The following SLC44A5 variants were observed in gnomAD, a reference collection of about 807,000 sequenced individuals.
SLC44A5 encodes choline transporter-like protein 5.
A neutral mutation model predicts 101.8 loss-of-function variants in SLC44A5; 57 were observed. That is an observed-to-expected ratio of 0.56 (90% CI 0.45 to 0.70). The LOEUF is 0.70. Ranked by LOEUF, SLC44A5 falls within the 30% of genes least tolerant of loss-of-function variation. The pLI, the probability that SLC44A5 is intolerant of heterozygous loss-of-function variation, is 0.00. For missense variants in SLC44A5, 737 were observed against 853.1 expected (o/e 0.86, Z 1.70); for synonymous variants, 281 against 290.9 (o/e 0.97, Z 0.35).
the SLC44A5 span, among the ~76,000 whole-genome samples, chr1:75,674,458 C>T: frequency 6.6e-6 from 1 of 152,224 alleles, no homozygotes; most frequent in East Asian, 1.9e-4. Flanking sequence ...CAGCTCACTG[C>T]AACCTATGCC....
At chr1:75,590,357 G>T (rs567958708) in intron 1 of SLC44A5, among the ~76,000 whole-genome samples, 1 of 152,172 alleles carries the variant, frequency 6.6e-6, no homozygotes, top group African/African-American at 2.4e-5. Context: ...ATCCAGTCTT[G>T]CCAGCATTCA....
At chr1:75,360,176 C>A (rs1659386599) in intron 3 of SLC44A5, among the ~76,000 whole-genome samples, 1 of 151,952 alleles carries the variant, frequency 6.6e-6, no homozygotes. Context: ...TTATTTGATG[C>A]AATCTCATTT....
At chr1:75,345,431 G>A (rs1658180724) in intron 3 of SLC44A5, among the ~76,000 whole-genome samples, 1 of 152,034 alleles carries the variant, frequency 6.6e-6, no homozygotes, top group Admixed American at 6.6e-5. Context: ...AAAAAAAGTT[G>A]GGAAACAATT....
intron 4 of SLC44A5, among the ~76,000 whole-genome samples, chr1:75,317,378 T>A (rs956022855): frequency 2.6e-5 from 4 of 152,246 alleles, no homozygotes; most frequent in Admixed American, 2.0e-4. Context: ...AGACATAGTG[T>A]TCTGATTCCT....
intron 5 of SLC44A5, among the ~76,000 whole-genome samples, chr1:75,292,800 A>G (rs1007151124): frequency 6.6e-6 from 1 of 152,218 alleles, no homozygotes. Context: ...TTAGTTGAAG[A>G]TCATGGGGTT....
chr1:75,688,625 A>C, the SLC44A5 span, among the ~76,000 whole-genome samples: 5 of 152,300 alleles, frequency 3.3e-5, no homozygotes, highest in Non-Finnish European at 7.4e-5. Context: ...TCCCATTTTC[A>C]AAGCCTCGGG....
chr1:75,368,117 A>G (rs552252242), intron 3 of SLC44A5, among the ~76,000 whole-genome samples: 1 of 152,246 alleles, frequency 6.6e-6, no homozygotes, highest in African/African-American at 2.4e-5. Context: ...TTAGAAGAGA[A>G]TATCAATATT....
intron 3 of SLC44A5, among the ~76,000 whole-genome samples, chr1:75,354,186 A>G (rs1457630806): frequency 6.6e-6 from 1 of 152,208 alleles, no homozygotes. Context: ...TGATCATCCT[A>G]GTGCCACAGG....
chr1:75,654,254 G>A, the SLC44A5 span, among the ~76,000 whole-genome samples: 18 of 152,076 alleles, frequency 1.2e-4, no homozygotes, highest in South Asian at 4.1e-4. Context: ...AAAGGTTCTC[G>A]CTTTAAAACA....
intron 1 of SLC44A5, among the ~76,000 whole-genome samples, chr1:75,552,318 T>C (rs1178119431): frequency 6.6e-6 from 1 of 152,158 alleles, no homozygotes; most frequent in African/African-American, 2.4e-5. Flanking sequence ...TATTGACATA[T>C]ATGTTGAATG....
rs1647548454 is a variant in SLC44A5, at chr1:75,231,318, T to C, written c.853+2668A>G. Among the ~76,000 whole-genome samples, 3 of 152,206 alleles carry C rather than the reference T, an allele frequency of 2.0e-5. No individual in the cohort carries two copies. In the South Asian group the frequency reaches 6.2e-4, roughly 31 times the overall value. ...TAGCTCATGAGTTATTTTTTTCATT[T>C]GGAGGAGATTTCCTTTATTTCCTAA... On this transcript the variant is annotated intron_variant, in intron 12 of 23. Coordinates refer to ENST00000370859, the MANE Select transcript of SLC44A5 (RefSeq NM_001130058.2).
intron 2 of SLC44A5, among the ~76,000 whole-genome samples, chr1:75,482,941 C>T (rs1667954370): frequency 2.0e-5 from 3 of 152,114 alleles, no homozygotes; most frequent in Admixed American, 2.0e-4. Context: ...AAAATAAAGT[C>T]ACATGATACG....
At chr1:75,244,903 C>A (rs2100617978) in intron 7 of SLC44A5, among the ~76,000 whole-genome samples, 1 of 152,208 alleles carries the variant, frequency 6.6e-6, no homozygotes, top group Middle Eastern at 3.4e-3. Flanking sequence ...TTTCTCAGCC[C>A]TGACTTGCTC....
the SLC44A5 span, among the ~76,000 whole-genome samples, chr1:75,703,272 G>A: frequency 3.4e-4 from 52 of 151,880 alleles, no homozygotes; most frequent in African/African-American, 8.2e-4. Context: ...AATGTCCAAC[G>A]ATGATAGACT....
intron 1 of SLC44A5, among the ~76,000 whole-genome samples, chr1:75,564,603 T>TTTTATTTATTTATTTATTTATTTATTTA (rs10526449): frequency 3.9e-4 from 54 of 138,070 alleles, no homozygotes; most frequent in East Asian, 1.1e-3. Flanking sequence ...TTTTTTTAAT[T>TTTTATTTATTTATTTATTTATTTATTTA]TTTATTTATT....
At chr1:75,387,299 G>T (rs1187009128) in intron 3 of SLC44A5, among the ~76,000 whole-genome samples, 1 of 149,180 alleles carries the variant, frequency 6.7e-6, no homozygotes, top group East Asian at 2.0e-4. Flanking sequence ...GAAAATTTTC[G>T]CAACCTACTC....
chr1:75,511,413 G>T (rs1388708959), intron 2 of SLC44A5, among the ~76,000 whole-genome samples: 2 of 152,164 alleles, frequency 1.3e-5, no homozygotes, highest in Admixed American at 6.5e-5. Flanking sequence ...GGATGGGCAG[G>T]GGTATTGAAT....
intron 1 of SLC44A5, among the ~76,000 whole-genome samples, chr1:75,565,752 T>A (rs754334062): frequency 2.0e-5 from 3 of 152,172 alleles, no homozygotes; most frequent in Non-Finnish European, 4.4e-5. Context: ...GGGTAATAAT[T>A]CCTGCCTCCA....
At chr1:75,558,267 T>G (rs1672328681) in intron 1 of SLC44A5, among the ~76,000 whole-genome samples, 1 of 152,142 alleles carries the variant, frequency 6.6e-6, no homozygotes, top group Non-Finnish European at 1.5e-5. Flanking sequence ...CTCTCTAAAT[T>G]TTTTATTATT....
Sources: allele counts gnomAD v4.1 joint callset (sites outside exome capture counted in the v4.1 genomes callset), GRCh38; gene constraint gnomAD v4.1.1; transcripts MANE v1.5; gene names NCBI Gene and HGNC (gene_info 2026-07-23, HGNC 2026-07-21).